The following PCDHGA10 variants were observed in gnomAD, a reference collection of about 807,000 sequenced individuals.
PCDHGA10 encodes protocadherin gamma subfamily A, 10, also known as protocadherin gamma-A10.
PCDHGA10 carries 42 observed loss-of-function variants against 59.5 expected under a neutral mutation model. The ratio of observed to expected loss-of-function variants is 0.71; its 90% confidence interval spans 0.55 to 0.91. The LOEUF is 0.91. Among genes scored for constraint, PCDHGA10 ranks in the 40% least tolerant of loss-of-function variants. PCDHGA10 has a pLI of 0.00. For synonymous variants in PCDHGA10, 511 were observed against 517.2 expected (o/e 0.99, Z 0.16); for missense variants, 1,111 against 1,198.2 (o/e 0.93, Z 1.07).
At chr5:141,495,277 G>A (rs2099760037) in intron 2 of PCDHGA10, among the ~76,000 whole-genome samples, 1 of 152,168 alleles carries the variant, frequency 6.6e-6, no homozygotes, top group African/African-American at 2.4e-5. Context: ...ACCGGAGGAG[G>A]CGGTCCGCAC....
At chr5:141,492,449 T>C (rs1045043841) in intron 1 of PCDHGA10, among the ~76,000 whole-genome samples, 50 of 152,314 alleles carry the variant, frequency 3.3e-4, no homozygotes, top group African/African-American at 1.2e-3. Flanking sequence ...TAGCTGATTG[T>C]GCGCGCCTGA....
At chr5:141,446,502 A>G (rs1178198384) in intron 1 of PCDHGA10, among the ~76,000 whole-genome samples, 5 of 150,732 alleles carry the variant, frequency 3.3e-5, no homozygotes, top group Non-Finnish European at 7.4e-5. Context: ...TTTGAGATGG[A>G]GTCTCGCTCT....
At chr5:141,437,205 A>G (rs1561884114) in intron 1 of PCDHGA10, among the ~76,000 whole-genome samples, 1 of 152,202 alleles carries the variant, frequency 6.6e-6, no homozygotes, top group African/African-American at 2.4e-5. Context: ...ATGTGTTTAC[A>G]TTTATTCTGA....
intron 1 of PCDHGA10, chr5:141,424,652 G>T (rs1392693867): frequency 6.6e-6 from 1 of 152,120 alleles, no homozygotes; most frequent in East Asian, 1.9e-4. Context: ...AAGGTATTTG[G>T]ACTTTAATTA....
At chr5:141,506,682 C>T (rs1333272766) in intron 3 of PCDHGA10, among the ~76,000 whole-genome samples, 4 of 152,192 alleles carry the variant, frequency 2.6e-5, no homozygotes, top group African/African-American at 9.6e-5. Context: ...ATATTATTAT[C>T]TTTGCTGACC....
In PCDHGA10 at chr5:141,476,622, T is replaced by C. The variant is rs1480639256; in HGVS notation, c.2437-18185T>C. The C allele has an allele frequency of 6.2e-7, 1 of 1,614,238 alleles. No individual in the cohort carries two copies. The highest frequency in any genetic ancestry group is 2.2e-5 in the East Asian group (1 of 44,878). On this transcript the variant is annotated intron_variant, in intron 1 of 3. Transcript: ENST00000398610. This position sits in a 1 kb window ranked among gnomAD's most constrained non-coding sequence, Gnocchi z 7.6. ...GATCCCGATGTGGGAAGCAACTCTT[T>C]ACAAACCTATGAGCTGAGCCGAAAT...
At position 141,434,771 on chromosome 5, in the gene PCDHGA10, TA is replaced by T. The variant is rs36031641; in HGVS notation, c.2436+19173del. On this transcript the variant is annotated intron_variant, in intron 1 of 3. Transcript: ENST00000398610. ...CCCCTGATTCCCCACTTCACACTTC[TA>T]AAAAAAAAAAAATTTTTTTTTCTGA... 2.5e-3 allele frequency among the ~76,000 whole-genome samples: 362 copies of T among 145,286 alleles called. 1 individual carries two copies. The highest frequency in any genetic ancestry group is 0.011 in the Middle Eastern group (3 of 280).
At chr5:141,459,287 G>A (rs1362981410) in intron 1 of PCDHGA10, among the ~76,000 whole-genome samples, 1 of 152,136 alleles carries the variant, frequency 6.6e-6, no homozygotes, top group African/African-American at 2.4e-5. Context: ...TCATCTAAAT[G>A]GAATCCTATA....
intron 1 of PCDHGA10, chr5:141,442,111 C>A: frequency 6.0e-6 from 1 of 166,354 alleles, no homozygotes; most frequent in Non-Finnish European, 1.3e-5. Context: ...CACTACCGCC[C>A]CTCGTCGCCG....
chr5:141,444,152 ATTTTTTTTTTTTTTTTTTTTTTTTT>A (rs747671382), intron 1 of PCDHGA10, among the ~76,000 whole-genome samples: 1 of 33,882 alleles, frequency 3.0e-5, no homozygotes, highest in Non-Finnish European at 5.2e-5. Context: ...TGTGTACTGG[ATTTTTTTTTTTTTTTTTTTTTTTTT>A]TTTTTTTTTT....
Position 141,431,826 on chromosome 5 carries a change from TTCCCGAAAACTC to T in PCDHGA10, c.2436+16220_2436+16231del, listed in dbSNP as rs755346532. ...GTCCTCACCTCTCTCGCCAGCTCGGTTCCCGAAAACTCTCCCAGAGGGACATTAATTGCCCTT... is the reference window on the plus strand; with the variant it reads ...GTCCTCACCTCTCTCGCCAGCTCGGTTCCCAGAGGGACATTAATTGCCCTT... On this transcript the variant is annotated intron_variant, in intron 1 of 3. Transcript: ENST00000398610. The surrounding 1 kb of genome is among the most constrained non-coding windows in gnomAD (Gnocchi z 4.8). The T allele has an allele frequency of 4.3e-6, 7 of 1,614,102 alleles. No individual in the cohort carries two copies. Among genetic ancestry groups the T allele is most frequent in the Admixed American group, 1.7e-5 (1 of 60,006 alleles).
At position 141,476,518 on chromosome 5, in the gene PCDHGA10, T is replaced by C; in HGVS notation, c.2437-18289T>C. 1 of 1,614,214 alleles carries C rather than the reference T, an allele frequency of 6.2e-7. No individual in the cohort carries two copies. Among genetic ancestry groups the C allele is most frequent in the Non-Finnish European group, 8.5e-7 (1 of 1,180,038 alleles). ...AGGACATCAACGACAACAATCCTGC[T>C]TTCCCTACCCAGGAAATGAAATTGG... is the stretch of plus-strand genomic sequence containing the variant. On this transcript the variant is annotated intron_variant, in intron 1 of 3. Transcript: ENST00000398610. This position sits in a 1 kb window ranked among gnomAD's most constrained non-coding sequence, Gnocchi z 7.6.
chr5:141,465,273 G>A (rs949271610), intron 1 of PCDHGA10, among the ~76,000 whole-genome samples: 1 of 152,068 alleles, frequency 6.6e-6, no homozygotes, highest in Non-Finnish European at 1.5e-5. Context: ...TAGCCATTTA[G>A]TTCACCCCTA....
In PCDHGA10 at chr5:141,431,494, C is replaced by A; in HGVS notation, c.2436+15883C>A. 6.2e-7 allele frequency: 1 copy of A among 1,613,956 alleles called. No homozygotes were observed. Among genetic ancestry groups the A allele is most frequent in the Middle Eastern group, 1.6e-4 (1 of 6,062 alleles). On this transcript the variant is annotated intron_variant, in intron 1 of 3. Coordinates refer to ENST00000398610, the MANE Select transcript of PCDHGA10 (RefSeq NM_018913.3). This position sits in a 1 kb window ranked among gnomAD's most constrained non-coding sequence, Gnocchi z 4.8. Reference sequence around the variant, plus strand: ...ACAACGCACCAGCGTTTGCTCAGCCCGAGTACCGCGCGAGCGTTCCGGAGA... The same window carrying A: ...ACAACGCACCAGCGTTTGCTCAGCCAGAGTACCGCGCGAGCGTTCCGGAGA...
intron 3 of PCDHGA10, among the ~76,000 whole-genome samples, chr5:141,509,338 C>T (rs2099876319): frequency 6.6e-6 from 1 of 152,188 alleles, no homozygotes; most frequent in Admixed American, 6.5e-5. Flanking sequence ...CCAGCTGGGC[C>T]TGGGCTGGCC....
chr5:141,476,205 C>G lies in PCDHGA10; in HGVS notation c.2437-18602C>G. ...CTGCTTGGTGCCTTGAACAAGGCTT[C>G]CACGGTCATTCACTATGAGATCCCG... On this transcript the variant is annotated intron_variant, in intron 1 of 3. Transcript: ENST00000398610. The surrounding 1 kb of genome is among the most constrained non-coding windows in gnomAD (Gnocchi z 7.6). 1 of 1,613,892 alleles carries G rather than the reference C, an allele frequency of 6.2e-7. No homozygotes were observed. Among genetic ancestry groups the G allele is most frequent in the Non-Finnish European group, 8.5e-7 (1 of 1,180,012 alleles).
chr5:141,496,723 T>G (rs1312615861), intron 2 of PCDHGA10, among the ~76,000 whole-genome samples: 3 of 152,212 alleles, frequency 2.0e-5, no homozygotes, highest in Non-Finnish European at 4.4e-5. Context: ...AAGTCATTAA[T>G]GTATTCATTC....
chr5:141,432,960 G>C lies in PCDHGA10; in HGVS notation c.2436+17349G>C. ...CAGGCTTCAGGAGGCGGCTTGACAG[G>C]AGCGCCGGCGTCGCACTTTGTGGGC... On this transcript the variant is annotated intron_variant, in intron 1 of 3. Transcript: ENST00000398610. This position sits in a 1 kb window ranked among gnomAD's most constrained non-coding sequence, Gnocchi z 6.0. The C allele has an allele frequency of 2.5e-6, 4 of 1,614,188 alleles. No homozygotes were observed. The highest frequency in any genetic ancestry group is 3.4e-6 in the Non-Finnish European group (4 of 1,180,034).
intron 2 of PCDHGA10, among the ~76,000 whole-genome samples, chr5:141,500,900 C>T (rs1309164700): frequency 4.0e-5 from 6 of 150,642 alleles, no homozygotes; most frequent in South Asian, 2.1e-4. Flanking sequence ...GAGACAGTCT[C>T]GCTCTGTCTC....
Sources: allele counts gnomAD v4.1 joint callset (sites outside exome capture counted in the v4.1 genomes callset), GRCh38; gene constraint gnomAD v4.1.1; non-coding constraint Gnocchi (gnomAD v3.1); transcripts MANE v1.5; gene names NCBI Gene and HGNC (gene_info 2026-07-23, HGNC 2026-07-21).